The following SLC25A21 variants were observed in gnomAD, a reference collection of about 807,000 sequenced individuals.
The protein encoded by SLC25A21 is mitochondrial 2-oxodicarboxylate carrier.
SLC25A21 carries 47 observed loss-of-function variants against 43.8 expected under a neutral mutation model. The observed-to-expected ratio is 1.07, with a 90% confidence interval of 0.85 to 1.37. SLC25A21 has a LOEUF of 1.37. Among genes scored for constraint, SLC25A21 ranks in the 40% most tolerant of loss-of-function variants. The probability of loss-of-function intolerance (pLI) is 0.00; values close to 1 mark genes in which losing one functional copy is unlikely to be tolerated. For missense variants in SLC25A21, 352 were observed against 350.2 expected, an observed-to-expected ratio of 1.00 and a Z score of -0.04; for synonymous variants, 131 against 121.3, an observed-to-expected ratio of 1.08 and a Z score of -0.52.
chr14:36,919,328 G>T (rs559155912), intron 1 of SLC25A21, among the ~76,000 whole-genome samples: 1 of 152,038 alleles, frequency 6.6e-6, no homozygotes, highest in Admixed American at 6.6e-5. Context: ...ATATGTTGAT[G>T]GAGTCATCTT....
At chr14:36,726,095 A>C (rs1473317568) in intron 5 of SLC25A21, among the ~76,000 whole-genome samples, 1 of 152,232 alleles carries the variant, frequency 6.6e-6, no homozygotes, top group Non-Finnish European at 1.5e-5. Flanking sequence ...CAAGGAGCAC[A>C]ACCACAAATA....
intron 1 of SLC25A21, among the ~76,000 whole-genome samples, chr14:37,076,389 T>C (rs964426862): frequency 6.6e-6 from 1 of 151,972 alleles, no homozygotes; most frequent in Non-Finnish European, 1.5e-5. Context: ...CCCAGGCTGG[T>C]CTTGAACTCC....
chr14:37,169,433 C>T (rs557547708), intron 1 of SLC25A21, among the ~76,000 whole-genome samples: 17 of 152,076 alleles, frequency 1.1e-4, no homozygotes, highest in African/African-American at 2.4e-4. Context: ...CACTCCAGCC[C>T]CTTATTCCAG....
intron 7 of SLC25A21, among the ~76,000 whole-genome samples, chr14:36,703,225 C>T (rs1011836581): frequency 4.7e-4 from 71 of 152,108 alleles, no homozygotes; most frequent in African/African-American, 1.5e-3. Context: ...AAAATATAAA[C>T]AGCTCTGTCT....
chr14:37,018,250 T>C (rs1194641352), intron 1 of SLC25A21, among the ~76,000 whole-genome samples: 1 of 152,026 alleles, frequency 6.6e-6, no homozygotes, highest in Non-Finnish European at 1.5e-5. Context: ...TACAGACAAA[T>C]GTCTCAAATT....
chr14:36,950,148 C>T (rs1050922611), intron 1 of SLC25A21, among the ~76,000 whole-genome samples: 13 of 152,110 alleles, frequency 8.5e-5, no homozygotes, highest in African/African-American at 2.7e-4. Context: ...TGTAATTTGT[C>T]GCAAGGTACC....
chr14:36,928,324 C>T (rs761020569), intron 1 of SLC25A21, among the ~76,000 whole-genome samples: 1 of 152,166 alleles, frequency 6.6e-6, no homozygotes, highest in African/African-American at 2.4e-5. Context: ...AAGCATTAAA[C>T]ATGATCGTTT....
chr14:37,167,347 G>A (rs941126330), intron 1 of SLC25A21, among the ~76,000 whole-genome samples: 7 of 152,082 alleles, frequency 4.6e-5, no homozygotes, highest in Admixed American at 1.3e-4. Flanking sequence ...TTCCAAAAAC[G>A]CAGATTCCGA....
chr14:36,916,293 G>C (rs924089840), intron 1 of SLC25A21, among the ~76,000 whole-genome samples: 7 of 152,166 alleles, frequency 4.6e-5, no homozygotes, highest in African/African-American at 1.4e-4. Context: ...GTTGTCTCTT[G>C]AGGAGGTCAC....
intron 1 of SLC25A21, among the ~76,000 whole-genome samples, chr14:37,064,362 C>T (rs187661695): frequency 3.3e-5 from 5 of 152,198 alleles, no homozygotes; most frequent in Admixed American, 6.5e-5. Flanking sequence ...GTTAGCCTAT[C>T]GTGGGACTTC....
intron 1 of SLC25A21, among the ~76,000 whole-genome samples, chr14:36,994,346 G>A (rs899256637): frequency 2.0e-5 from 3 of 152,150 alleles, no homozygotes; most frequent in Non-Finnish European, 4.4e-5. Context: ...GGGAGGAATC[G>A]ATTTCCTTGT....
At chr14:36,724,785 G>T (rs1204487859) in intron 6 of SLC25A21, among the ~76,000 whole-genome samples, 1 of 152,154 alleles carries the variant, frequency 6.6e-6, no homozygotes, top group Non-Finnish European at 1.5e-5. Context: ...AAATTTGACA[G>T]ATTATCAGAA....
intron 1 of SLC25A21, among the ~76,000 whole-genome samples, chr14:36,895,752 T>C (rs1594675704): frequency 1.3e-5 from 2 of 152,312 alleles, no homozygotes; most frequent in Admixed American, 6.5e-5. Flanking sequence ...TTTGTTCTCA[T>C]TGGTTTCAAA....
At chr14:36,798,647 G>A (rs1382116417) in intron 3 of SLC25A21, among the ~76,000 whole-genome samples, 1 of 151,870 alleles carries the variant, frequency 6.6e-6, no homozygotes, top group African/African-American at 2.4e-5. Flanking sequence ...TGGGTCATAA[G>A]TATTCTTAGA....
chr14:36,776,226 CTTTCTTTCTTTCTTTTTTTTTTTTTTTT>C (rs1300986583), intron 3 of SLC25A21, among the ~76,000 whole-genome samples: 1 of 48,086 alleles, frequency 2.1e-5, no homozygotes, highest in Non-Finnish European at 4.6e-5. Flanking sequence ...TTTTCTTTTT[CTTTCTTTCTTTCTTTTTTTTTTTTTTTT>C]GAGATGGAGT....
chr14:36,694,108 T>A (rs1176148748), intron 7 of SLC25A21, among the ~76,000 whole-genome samples: 1 of 139,542 alleles, frequency 7.2e-6, no homozygotes, highest in Non-Finnish European at 1.5e-5. Flanking sequence ...TTCCCCGCCC[T>A]GTGTCCAAGT....
chr14:36,969,252 G>C lies in SLC25A21; in HGVS notation c.71-94248C>G, dbSNP rs1959693828. ...TGATGTTCCAGACCCCCTGTTAATAGAGCTTGTGTGCTGAGCTGCTTTTCC... is the reference window on the plus strand; with the variant it reads ...TGATGTTCCAGACCCCCTGTTAATACAGCTTGTGTGCTGAGCTGCTTTTCC... On this transcript the variant is annotated intron_variant, in intron 1 of 9. Transcript: ENST00000331299. 1.3e-5 allele frequency among the ~76,000 whole-genome samples: 2 copies of C among 152,122 alleles called. 1 individual carries two copies. The highest frequency in any genetic ancestry group is 4.1e-4 in the South Asian group (2 of 4,826).
At chr14:36,792,483 T>C (rs1887522696) in intron 3 of SLC25A21, among the ~76,000 whole-genome samples, 1 of 152,104 alleles carries the variant, frequency 6.6e-6, no homozygotes, top group African/African-American at 2.4e-5. Flanking sequence ...AACATACCCC[T>C]CCCTCATGAA....
chr14:36,805,804 TA>T (rs775360174), intron 3 of SLC25A21, among the ~76,000 whole-genome samples: 15 of 152,146 alleles, frequency 9.9e-5, no homozygotes, highest in Non-Finnish European at 1.5e-4. Flanking sequence ...ACTTGATGAC[TA>T]AAAATTTATG....
Sources: allele counts gnomAD v4.1 joint callset (sites outside exome capture counted in the v4.1 genomes callset), GRCh38; gene constraint gnomAD v4.1.1; transcripts MANE v1.5; gene names NCBI Gene and HGNC (gene_info 2026-07-23, HGNC 2026-07-21).